SLC25A21: variants seen among roughly 807,000 people sequenced by gnomAD.
SLC25A21 encodes mitochondrial 2-oxodicarboxylate carrier.
Under a neutral mutation model 43.8 loss-of-function variants are expected in SLC25A21, and 47 were observed. That is an observed-to-expected ratio of 1.07 (90% CI 0.85 to 1.37). The LOEUF (loss-of-function observed/expected upper bound fraction) is 1.37, where lower values mean the gene tolerates loss of function less well. Among genes scored for constraint, SLC25A21 ranks in the 40% most tolerant of loss-of-function variants. The pLI, the probability that SLC25A21 is intolerant of heterozygous loss-of-function variation, is 0.00. For synonymous variants in SLC25A21, 131 were observed against 121.3 expected (o/e 1.08, Z -0.52); for missense variants, 352 against 350.2 (o/e 1.00, Z -0.04).
intron 9 of SLC25A21, among the ~76,000 whole-genome samples, chr14:36,683,348 A>G (rs183401446): frequency 6.6e-6 from 1 of 152,192 alleles, no homozygotes; most frequent in East Asian, 1.9e-4. Context: ...CGGTGTCACC[A>G]CTCCCCAGAG....
At chr14:36,859,222 G>T (rs533000597) in intron 2 of SLC25A21, among the ~76,000 whole-genome samples, 2 of 152,178 alleles carry the variant, frequency 1.3e-5, no homozygotes, top group Admixed American at 6.5e-5. Flanking sequence ...TTGATAAAAA[G>T]ATTTCTACAT....
In SLC25A21 at chr14:36,678,737, A is replaced by T; in HGVS notation, c.*1921T>A. 8.6e-7 allele frequency: 1 copy of T among 1,160,062 alleles called. No individual in the cohort carries two copies. The highest frequency in any genetic ancestry group is 1.1e-6 in the Non-Finnish European group (1 of 937,590). The allele number at this position is 1,160,062 out of a possible 1,614,324, so 71.9% of individuals were successfully genotyped here. On this transcript the variant is annotated 3_prime_UTR_variant, in exon 10 of 10. Coordinates refer to ENST00000331299, the MANE Select transcript of SLC25A21 (RefSeq NM_030631.4). ...TTAAGAAATCTCTTGTTATTGTGCTATTTATAATTTTTTTCTGGTTCTTGT... is the reference window on the plus strand; with the variant it reads ...TTAAGAAATCTCTTGTTATTGTGCTTTTTATAATTTTTTTCTGGTTCTTGT...
At chr14:36,756,006 G>C (rs535419256) in intron 3 of SLC25A21, among the ~76,000 whole-genome samples, 27 of 152,322 alleles carry the variant, frequency 1.8e-4, no homozygotes, top group South Asian at 1.0e-3. Context: ...TTAGGATAGA[G>C]CCAGAATTTG....
intron 1 of SLC25A21, among the ~76,000 whole-genome samples, chr14:37,046,684 GTTGGA>G (rs1283540643): frequency 2.6e-5 from 4 of 152,202 alleles, no homozygotes; most frequent in African/African-American, 9.6e-5. Flanking sequence ...TGAAGCAGAT[GTTGGA>G]TTGATTTCTT....
At chr14:36,785,134 G>A (rs561083769) in intron 3 of SLC25A21, among the ~76,000 whole-genome samples, 1 of 152,324 alleles carries the variant, frequency 6.6e-6, no homozygotes, top group South Asian at 2.1e-4. Flanking sequence ...AGTACAGTCA[G>A]TCCTCCTACT....
At chr14:36,791,643 G>A (rs1309895348) in intron 3 of SLC25A21, among the ~76,000 whole-genome samples, 1 of 152,108 alleles carries the variant, frequency 6.6e-6, no homozygotes, top group Non-Finnish European at 1.5e-5. Flanking sequence ...TGCTCATGGA[G>A]TTTTTCTTTT....
At chr14:36,952,158 G>A (rs1892827230) in intron 1 of SLC25A21, among the ~76,000 whole-genome samples, 2 of 152,032 alleles carry the variant, frequency 1.3e-5, no homozygotes, top group Non-Finnish European at 2.9e-5. Flanking sequence ...CCTGAGCCTA[G>A]GAGGTGGAGG....
intron 2 of SLC25A21, among the ~76,000 whole-genome samples, chr14:36,825,345 T>C (rs1420431418): frequency 6.6e-6 from 1 of 152,164 alleles, no homozygotes; most frequent in Non-Finnish European, 1.5e-5. Flanking sequence ...TCAAAAGAGA[T>C]CCAGTGGAAG....
intron 1 of SLC25A21, among the ~76,000 whole-genome samples, chr14:36,960,043 A>T (rs190399397): frequency 6.6e-6 from 1 of 152,178 alleles, no homozygotes; most frequent in African/African-American, 2.4e-5. Context: ...AAATGAGATG[A>T]GGTGGGCATG....
chr14:37,121,102 T>C (rs1029148204), intron 1 of SLC25A21, among the ~76,000 whole-genome samples: 17 of 152,196 alleles, frequency 1.1e-4, no homozygotes, highest in Non-Finnish European at 7.3e-5. Context: ...AAAGTGATCA[T>C]GTACCCTTTA....
At chr14:36,967,171 A>G (rs1017421232) in intron 1 of SLC25A21, among the ~76,000 whole-genome samples, 1 of 152,170 alleles carries the variant, frequency 6.6e-6, no homozygotes, top group South Asian at 2.1e-4. Flanking sequence ...ACTGAAGATC[A>G]ATGGTATTTC....
intron 2 of SLC25A21, among the ~76,000 whole-genome samples, chr14:36,845,799 T>C (rs940863002): frequency 2.6e-5 from 4 of 152,214 alleles, no homozygotes; most frequent in Non-Finnish European, 5.9e-5. Flanking sequence ...AATGTAAATA[T>C]GGATTTGAAG....
intron 1 of SLC25A21, among the ~76,000 whole-genome samples, chr14:37,023,080 C>A (rs1406456044): frequency 6.6e-6 from 1 of 151,914 alleles, no homozygotes; most frequent in Non-Finnish European, 1.5e-5. Context: ...CTGTGATTAC[C>A]AACAAGCTGA....
At position 36,761,694 on chromosome 14, in the gene SLC25A21, T is replaced by A. The variant is rs578070051; in HGVS notation, c.204-27121A>T. Among the ~76,000 whole-genome samples the A allele has an allele frequency of 5.9e-5, 9 of 152,334 alleles. No homozygotes were observed. In the South Asian group the frequency reaches 1.9e-3, roughly 32 times the overall value. On this transcript the variant is annotated intron_variant, in intron 3 of 9. Transcript: ENST00000331299. Reference sequence around the variant, plus strand: ...AATTTAAGAATTAACATGGGATAGATCTGTAGTGATACCAAATGATATATA... The same window carrying A: ...AATTTAAGAATTAACATGGGATAGAACTGTAGTGATACCAAATGATATATA...
intron 3 of SLC25A21, among the ~76,000 whole-genome samples, chr14:36,735,816 T>A (rs77143994): frequency 7.4e-6 from 1 of 135,562 alleles, no homozygotes; most frequent in Non-Finnish European, 1.6e-5. Context: ...AGAATCCTTT[T>A]TTTTTTTTTT....
intron 1 of SLC25A21, among the ~76,000 whole-genome samples, chr14:36,950,285 A>G (rs894677426): frequency 6.6e-6 from 1 of 152,184 alleles, no homozygotes; most frequent in African/African-American, 2.4e-5. Flanking sequence ...CCCAATTCAT[A>G]GGTTAAAATC....
chr14:36,780,520 T>A (rs1227380038), intron 3 of SLC25A21, among the ~76,000 whole-genome samples: 1 of 152,042 alleles, frequency 6.6e-6, no homozygotes, highest in Non-Finnish European at 1.5e-5. Flanking sequence ...TAAGTTTTGG[T>A]GTGATGTGTT....
At chr14:36,840,166 T>C (rs1218049936) in intron 2 of SLC25A21, among the ~76,000 whole-genome samples, 1 of 152,130 alleles carries the variant, frequency 6.6e-6, no homozygotes, top group East Asian at 1.9e-4. Flanking sequence ...TTCATTATCA[T>C]ATCTCAGAGT....
intron 1 of SLC25A21, among the ~76,000 whole-genome samples, chr14:37,132,946 T>C (rs1423648915): frequency 6.6e-6 from 1 of 152,044 alleles, no homozygotes; most frequent in African/African-American, 2.4e-5. Flanking sequence ...CCTAGGCTGG[T>C]CCCAAACTCC....
Sources: allele counts gnomAD v4.1 joint callset (sites outside exome capture counted in the v4.1 genomes callset), GRCh38; gene constraint gnomAD v4.1.1; transcripts MANE v1.5; gene names NCBI Gene and HGNC (gene_info 2026-07-23, HGNC 2026-07-21).